SYCP2: variants seen among roughly 807,000 people sequenced by gnomAD.
SYCP2 encodes synaptonemal complex protein 2, also known as synaptonemal complex lateral element protein.
A neutral mutation model predicts 211.3 loss-of-function variants in SYCP2; 55 were observed. The ratio of observed to expected loss-of-function variants is 0.26; its 90% confidence interval spans 0.21 to 0.33. The LOEUF (loss-of-function observed/expected upper bound fraction) is 0.33. Among genes scored for constraint, SYCP2 ranks in the 10% least tolerant of loss-of-function variants. The pLI, the probability that SYCP2 is intolerant of heterozygous loss-of-function variation, is 1.00. For missense variants in SYCP2, 1,731 were observed against 1,752.0 expected (o/e 0.99, Z 0.21); for synonymous variants, 570 against 555.2 (o/e 1.03, Z -0.37).
intron 3 of SYCP2, among the ~76,000 whole-genome samples, chr20:59,921,963 A>G (rs1157935132): frequency 6.6e-6 from 1 of 151,684 alleles, no homozygotes; most frequent in Non-Finnish European, 1.5e-5. Flanking sequence ...CTATTAAAGT[A>G]CAACTTCATT....
chr20:59,913,337 G>A (rs756045853), intron 12 of SYCP2, among the ~76,000 whole-genome samples: 8 of 152,072 alleles, frequency 5.3e-5, no homozygotes, highest in South Asian at 4.1e-4. Flanking sequence ...CAGGTAATAT[G>A]ACTCCTTGCA....
intron 15 of SYCP2, among the ~76,000 whole-genome samples, chr20:59,904,199 C>G (rs1600921582): frequency 6.6e-6 from 1 of 152,136 alleles, no homozygotes; most frequent in Non-Finnish European, 1.5e-5. Context: ...AGTTAACTCT[C>G]TTATAGTCTC....
At chr20:59,912,761 T>C (rs142842899) in intron 12 of SYCP2, among the ~76,000 whole-genome samples, 2 of 152,284 alleles carry the variant, frequency 1.3e-5, no homozygotes, top group Non-Finnish European at 2.9e-5. Flanking sequence ...AGGGACCTGG[T>C]AGGAGATAAC....
chr20:59,923,070 C>A (rs765535254), intron 2 of SYCP2, among the ~76,000 whole-genome samples: 13 of 151,860 alleles, frequency 8.6e-5, no homozygotes, highest in Admixed American at 2.0e-4. Flanking sequence ...GATGCAAATA[C>A]AAATAACTGC....
At chr20:59,891,621 CTA>C (rs1336042829) in intron 24 of SYCP2, among the ~76,000 whole-genome samples, 1 of 151,426 alleles carries the variant, frequency 6.6e-6, no homozygotes, top group Non-Finnish European at 1.5e-5. Flanking sequence ...ATAAAACAGT[CTA>C]TGGTTACAGT....
chr20:59,924,533 T>C (rs1210716928), intron 2 of SYCP2, among the ~76,000 whole-genome samples: 1 of 151,978 alleles, frequency 6.6e-6, no homozygotes. Flanking sequence ...CTCCATAATG[T>C]GCTCATTTAA....
chr20:59,870,540 G>T (rs2059432213), intron 35 of SYCP2, among the ~76,000 whole-genome samples: 1 of 151,594 alleles, frequency 6.6e-6, no homozygotes, highest in Admixed American at 6.6e-5. Flanking sequence ...ACCCAACTTT[G>T]CAGGAAATAA....
At chr20:59,882,693 C>T (rs947533741) in intron 26 of SYCP2, among the ~76,000 whole-genome samples, 4 of 151,914 alleles carry the variant, frequency 2.6e-5, no homozygotes, top group African/African-American at 9.7e-5. Context: ...AGACAAATAC[C>T]GCATGTTTTC....
chr20:59,881,582 C>A, intron 28 of SYCP2, 90 bp from the exon 29 acceptor site: 3 of 634,740 alleles, frequency 4.7e-6, no homozygotes, highest in Non-Finnish European at 7.7e-6. Flanking sequence ...TTTTGCTTCA[C>A]AAAATCATAA....
intron 2 of SYCP2, among the ~76,000 whole-genome samples, chr20:59,927,367 T>C (rs1181636339): frequency 1.3e-5 from 2 of 152,144 alleles, no homozygotes; most frequent in African/African-American, 4.8e-5. Flanking sequence ...GCCAAATACC[T>C]TTGTTCAGTA....
chr20:59,870,747 C>G (rs6015592), intron 35 of SYCP2, among the ~76,000 whole-genome samples: 18,385 of 151,650 alleles, frequency 0.12, 2,569 homozygotes, highest in African/African-American at 0.34. Context: ...TAAAGCAATG[C>G]TGGTATTAGC....
chr20:59,890,058 C>T (rs896008416), intron 24 of SYCP2, among the ~76,000 whole-genome samples: 1 of 152,040 alleles, frequency 6.6e-6, no homozygotes, highest in Non-Finnish European at 1.5e-5. Context: ...GGTATATACC[C>T]AAAGGATTAT....
At chr20:59,869,001 C>T in intron 36 of SYCP2, 76 bp from the exon 37 acceptor site, 1 of 995,202 alleles carries the variant, frequency 1.0e-6, no homozygotes, top group African/African-American at 1.7e-5. Context: ...TTTCTCAAAC[C>T]CAAAAACCAA....
chr20:59,872,422 C>A (rs1382965967), intron 35 of SYCP2, among the ~76,000 whole-genome samples: 1 of 151,798 alleles, frequency 6.6e-6, no homozygotes, highest in African/African-American at 2.4e-5. Flanking sequence ...AGTGCTCAAG[C>A]AACCCTTATT....
At chr20:59,904,314 C>T (rs1371705447) in intron 15 of SYCP2, among the ~76,000 whole-genome samples, 4 of 152,050 alleles carry the variant, frequency 2.6e-5, no homozygotes, top group Non-Finnish European at 4.4e-5. Context: ...GTAGAGTGAA[C>T]GGCTCGAGAG....
chr20:59,920,739 T>TA lies in SYCP2; in HGVS notation c.169-253dup, dbSNP rs2060525978. Among the ~76,000 whole-genome samples, 5 of 151,678 alleles carry TA rather than the reference T, an allele frequency of 3.3e-5. No individual in the cohort carries two copies. The South Asian group carries it at 1.0e-3, about 31-fold the overall frequency. ...AAATCCAAGAAACTTTATACTATGATACAATGAATCAGCAACTTTCCATTC... is the reference window on the plus strand; with the variant it reads ...AAATCCAAGAAACTTTATACTATGATAACAATGAATCAGCAACTTTCCATTC... On this transcript the variant is annotated intron_variant, in intron 4 of 44. Transcript: ENST00000357552.
chr20:59,867,032 A>G lies in SYCP2; in HGVS notation c.4126-443T>C, dbSNP rs1284295063. Among the ~76,000 whole-genome samples, 16 of 143,794 alleles carry G rather than the reference A, an allele frequency of 1.1e-4. No individual in the cohort carries two copies. The South Asian group carries it at 3.3e-3, about 29-fold the overall frequency. 94.3% of individuals were successfully genotyped at this position (143,794 alleles called of 152,430 possible). ...CTTGGGCCAAAAAAAAAAAAAAAAA[A>G]AAAGAAACAGAAAAAACAAGCAATT... is the stretch of plus-strand genomic sequence containing the variant. On this transcript the variant is annotated intron_variant, in intron 39 of 44. Coordinates refer to ENST00000357552, the MANE Select transcript of SYCP2 (RefSeq NM_014258.4).
At position 59,880,419 on chromosome 20, in the gene SYCP2, T is replaced by C. The variant is rs1323393199; in HGVS notation, c.2825A>G (p.Tyr942Cys). 2 of 1,600,252 alleles carry C rather than the reference T, an allele frequency of 1.2e-6. No individual in the cohort carries two copies. The highest frequency in any genetic ancestry group is 1.7e-6 in the Non-Finnish European group (2 of 1,170,970). Residue 942 changes from tyrosine (Y) to cysteine (C), a missense_variant, in exon 31 of 45, where the codon TAC (tyrosine) becomes TGC (cysteine). By Grantham distance (194) the Tyr-to-Cys change is radical (BLOSUM62 -2). This residue lies in a region of SYCP2 where 1,387 missense variants were observed against 1,351.3 expected (regional missense o/e 1.03). Transcript: ENST00000357552. Reference sequence around the variant, plus strand: ...ATCAGTCTTGCTGTCATCACATCTGTACTCTGTTTCAGTATCACTAAACAG... The same window carrying C: ...ATCAGTCTTGCTGTCATCACATCTGCACTCTGTTTCAGTATCACTAAACAG... ...KNLFSDTETE[Y>C]RCDDSKTDIS...
intron 24 of SYCP2, among the ~76,000 whole-genome samples, chr20:59,890,569 G>A (rs1301112773): frequency 6.6e-6 from 1 of 150,598 alleles, no homozygotes; most frequent in Non-Finnish European, 1.5e-5. Flanking sequence ...TAGGTAGATA[G>A]GTAGGTAGGT....
Sources: gnomAD v4.1 joint callset for allele counts (sites outside exome capture counted in the v4.1 genomes callset) on GRCh38, gnomAD v4.1.1 for gene constraint, gnomAD v4.1.1 regional missense constraint, MANE v1.5 for transcripts, NCBI Gene and HGNC (gene_info 2026-07-23, HGNC 2026-07-21) for gene names.